Variants in FN1 observed in about 807,000 individuals in gnomAD.
The protein encoded by FN1 is fibronectin 1.
Under a neutral mutation model 297.3 loss-of-function variants are expected in FN1, and 106 were observed. The ratio of observed to expected loss-of-function variants is 0.36; its 90% CI spans 0.30 to 0.42. The LOEUF is 0.42. FN1 is among the 10% of genes least tolerant of loss of function. The pLI is 1.00. For synonymous variants in FN1, 1,149 were observed against 1,152.6 expected, an observed-to-expected ratio of 1.00 and a Z score of 0.06; for missense variants, 2,690 against 3,124.9, an observed-to-expected ratio of 0.86 and a Z score of 3.32.
chr2:215,378,315 A>T, intron 34 of FN1, 53 bp from the exon 35 acceptor site: 4 of 964,226 alleles, frequency 4.1e-6, no homozygotes, highest in Non-Finnish European at 6.7e-6. Flanking sequence ...CTGAAACCCA[A>T]GGAGTTTCAC....
At chr2:215,381,861 C>T (rs576936908) in intron 32 of FN1, 31 of 354,594 alleles carry the variant, frequency 8.7e-5, no homozygotes, top group Admixed American at 3.2e-4. Flanking sequence ...AAACATAAAG[C>T]TACATGAGGC....
intron 38 of FN1, 116 bp from the exon 39 acceptor site, chr2:215,373,527 G>A: frequency 3.7e-6 from 3 of 819,762 alleles, no homozygotes; most frequent in South Asian, 2.7e-5. Context: ...CTGGCTGTTG[G>A]CCTCTTGAAG....
At chr2:215,397,047 C>T in intron 23 of FN1, 90 bp downstream of exon 23, 1 of 868,496 alleles carries the variant, frequency 1.2e-6, no homozygotes, top group Non-Finnish European at 2.0e-6. Context: ...AATTTGAATC[C>T]CTTCTTTCTC....
At chr2:215,370,456 G>A in intron 40 of FN1, 24 bp from the exon 41 acceptor site, 1 of 1,598,264 alleles carries the variant, frequency 6.3e-7, no homozygotes, top group African/African-American at 1.4e-5. Flanking sequence ...TACATCCAAA[G>A]CAGAGAGAAA....
At chr2:215,362,759 A>C (rs1448324534) in intron 44 of FN1, 1 of 153,676 alleles carries the variant, frequency 6.5e-6, no homozygotes, top group Admixed American at 6.5e-5. Flanking sequence ...GGGAGGACAC[A>C]CATGTTCTCT....
intron 20 of FN1, among the ~76,000 whole-genome samples, chr2:215,403,045 AAG>A (rs2061340965): frequency 6.6e-6 from 1 of 152,190 alleles, no homozygotes; most frequent in African/African-American, 2.4e-5. Flanking sequence ...CATCTACTGA[AAG>A]GGCGCATTCA....
chr2:215,368,414 C>T (rs1445981229), intron 41 of FN1, among the ~76,000 whole-genome samples: 1 of 152,130 alleles, frequency 6.6e-6, no homozygotes, highest in Non-Finnish European at 1.5e-5. Context: ...TATTTAATAC[C>T]ACTCTGCCTT....
At chr2:215,367,685 A>G in intron 42 of FN1, 178 bp downstream of exon 42, 1 of 679,812 alleles carries the variant, frequency 1.5e-6, no homozygotes, top group Non-Finnish European at 2.6e-6. Context: ...TCCAACAAGT[A>G]AAATTTCCCA....
rs1160602417 is a variant in FN1 at position 215,372,020 on chromosome 2, A to G, written c.6603T>C (p.Ser2201=). ...TCTGAGAGAGAGCTTCTTGTCCTGTAGAGGCATTTGGATTGAGTCCCGGAC... is the reference window on the plus strand; with the variant it reads ...TCTGAGAGAGAGCTTCTTGTCCTGTGGAGGCATTTGGATTGAGTCCCGGAC... The part of the protein sequence containing the change: ...PHGPGLNPNA[S]TGQEALSQTT... Residue 2201 remains serine, a synonymous_variant, in exon 40 of 46, where the codon TCT becomes TCC. Transcript: ENST00000354785. 1.9e-6 allele frequency: 3 copies of G among 1,614,114 alleles called. No individual in the cohort carries two copies. Among genetic ancestry groups the G allele is most frequent in the African/African-American group, 2.7e-5 (2 of 74,928 alleles).
chr2:215,423,357 G>T lies in FN1; in HGVS notation c.1386C>A (p.Pro462=), dbSNP rs550654878. Residue 462 remains proline (P), a synonymous_variant, in exon 9 of 46, where the codon CCC becomes CCA. Coordinates refer to ENST00000354785, the MANE Select transcript of FN1 (RefSeq NM_212482.4). ...ACAAGGGCTTCATCTTACCAGCCAT[G>T]GGGCAGAACCCAAACTTCTGGTCGG... ...YDADQKFGFC[P]MAAHEEICTT... is the part of the protein sequence containing the mutation. 15 of 1,613,964 alleles carry T rather than the reference G, an allele frequency of 9.3e-6. No homozygotes were observed. In the South Asian group the frequency reaches 1.4e-4, roughly 15 times the overall value.
chr2:215,372,791 TG>T lies in FN1; in HGVS notation c.6248-417del, dbSNP rs138392461. ...CATAAGTATGAGAATTACAGAGGTTTGGCTCAACAGTTTTTCATGGTTTGAA... is the reference window on the plus strand; with the variant it reads ...CATAAGTATGAGAATTACAGAGGTTTGCTCAACAGTTTTTCATGGTTTGAA... On this transcript the variant is annotated intron_variant, in intron 39 of 45. Transcript: ENST00000354785. Among the ~76,000 whole-genome samples the T allele has an allele frequency of 1.4e-4, 21 of 152,352 alleles. No homozygotes were observed. The East Asian group carries it at 4.1e-3, about 29-fold the overall frequency.
chr2:215,377,872 T>C (rs1396307166), intron 35 of FN1, among the ~76,000 whole-genome samples: 1 of 152,142 alleles, frequency 6.6e-6, no homozygotes, highest in African/African-American at 2.4e-5. Context: ...TCTGAAGGAG[T>C]ATAAAAGATG....
Position 215,414,849 on chromosome 2 carries a change from G to A in FN1, c.1929C>T (p.Leu643=). ...GTGGGATACTCACAGGTCTCCACCT[G>A]AGAATGTACTTGGAAATGTGAGATG... The part of the protein sequence containing the change: ...PQPSHISKYI[L]RWRPKNSVGR... Residue 643 remains leucine (L), a synonymous_variant, in exon 13 of 46, where the codon CTC becomes CTT. Coordinates refer to ENST00000354785, the MANE Select transcript of FN1 (RefSeq NM_212482.4). The A allele has an allele frequency of 6.2e-7, 1 of 1,613,608 alleles. No individual in the cohort carries two copies. The highest frequency in any genetic ancestry group is 8.5e-7 in the Non-Finnish European group (1 of 1,179,594).
chr2:215,377,323 G>C (rs2057471737), intron 35 of FN1, among the ~76,000 whole-genome samples: 1 of 152,164 alleles, frequency 6.6e-6, no homozygotes, highest in Non-Finnish European at 1.5e-5. Context: ...CCAAATCTCT[G>C]TTGAGTTGTA....
chr2:215,375,225 G>A lies in FN1; in HGVS notation c.6146C>T (p.Ala2049Val), dbSNP rs1462469718. The change falls in exon 38 of 46, where the codon GCT (alanine) becomes GTT (valine). Residue 2049 changes from alanine to valine, a missense_variant. Around this residue, in one of 3 missense-constraint regions of FN1, gnomAD observed 1,743 missense variants for 1,945.2 expected, o/e 0.90. Coordinates refer to ENST00000354785, the MANE Select transcript of FN1 (RefSeq NM_212482.4). ...GGAAGCAGCAATACCAGTAATAGTAGCCTCTGTGACACCAGGGCGGGGCCG... is the reference window on the plus strand; with the variant it reads ...GGAAGCAGCAATACCAGTAATAGTAACCTCTGTGACACCAGGGCGGGGCCG... ...VPRPRPGVTE[A>V]TITGLEPGTE... 2 of 1,614,094 alleles carry A rather than the reference G, an allele frequency of 1.2e-6. No individual in the cohort carries two copies. The highest frequency in any genetic ancestry group is 1.7e-5 in the Admixed American group (1 of 60,014).
rs1355678457 is a variant in FN1, at chr2:215,410,029, A to T, written c.2027T>A (p.Val676Glu). ...YTIKGLKPGVVYEGQLISIQQ... is the reference protein window; with the variant it reads ...YTIKGLKPGVEYEGQLISIQQ... ...GATGCTGATGAGCTGGCCCTCGTATACCACACCAGGCTTCAGGCCTTTGAT... is the reference window on the plus strand; with the variant it reads ...GATGCTGATGAGCTGGCCCTCGTATTCCACACCAGGCTTCAGGCCTTTGAT... The change falls in exon 14 of 46, where the codon GTA (valine) becomes GAA (glutamate). Residue 676 changes from valine to glutamate, a missense_variant. Val to Glu is a moderately radical substitution (Grantham distance 121, BLOSUM62 -2). Around this residue, in one of 3 missense-constraint regions of FN1, gnomAD observed 876 missense variants for 1,058.1 expected, o/e 0.83. Coordinates refer to ENST00000354785, the MANE Select transcript of FN1 (RefSeq NM_212482.4). The T allele has an allele frequency of 1.2e-6, 2 of 1,614,010 alleles. No individual in the cohort carries two copies. Among genetic ancestry groups the T allele is most frequent in the Admixed American group, 3.3e-5 (2 of 59,998 alleles).
Position 215,420,810 on chromosome 2 carries a change from G to A in FN1, c.1547-9C>T. 1 of 1,613,640 alleles carries A rather than the reference G, an allele frequency of 6.2e-7. No homozygotes were observed. The highest frequency in any genetic ancestry group is 8.5e-7 in the Non-Finnish European group (1 of 1,179,586). ...ATCAACAATGCACTGATCTGTTTAG[G>A]AAACAGGTGGGTGAGTGAGAAACTT... On this transcript the variant is annotated splice_polypyrimidine_tract_variant and intron_variant, in intron 10 of 45. Coordinates refer to ENST00000354785, the MANE Select transcript of FN1 (RefSeq NM_212482.4).
At chr2:215,381,482 GT>G (rs964578514) in intron 32 of FN1, 17 of 302,988 alleles carry the variant, frequency 5.6e-5, no homozygotes, top group South Asian at 1.2e-4. Context: ...GTTTTGTTTT[GT>G]TTTTTTTTGA....
In FN1 at chr2:215,365,402, G is replaced by A. The variant is rs1366696890; in HGVS notation, c.7144+103C>T. The stretch of plus-strand genomic sequence containing the variant: ...AAGAAACCCACTGTTCACTCCTCAA[G>A]GAGACCTAAAGTCTCCAATCATTTC... On this transcript the variant is annotated intron_variant, in intron 43 of 45. Coordinates refer to ENST00000354785, the MANE Select transcript of FN1 (RefSeq NM_212482.4). 4.7e-6 allele frequency: 6 copies of A among 1,275,630 alleles called. No homozygotes were observed. In the East Asian group the frequency reaches 1.4e-4, roughly 30 times the overall value. 79.0% of individuals were successfully genotyped at this position (1,275,630 alleles called of 1,614,324 possible). A position where few individuals can be genotyped will look rare whatever the true frequency, so the allele number is the denominator to read the frequency against.
Sources: allele counts gnomAD v4.1 joint callset (sites outside exome capture counted in the v4.1 genomes callset), GRCh38; gene constraint gnomAD v4.1.1; regional missense constraint gnomAD v4.1.1; transcripts MANE v1.5; gene names NCBI Gene and HGNC (gene_info 2026-07-23, HGNC 2026-07-21).